The following ERBB4 variants were observed in gnomAD, a reference collection of about 807,000 sequenced individuals.
The protein encoded by ERBB4 is receptor tyrosine-protein kinase erbB-4.
ERBB4 carries 42 observed loss-of-function variants against 158.0 expected under a neutral mutation model. The observed-to-expected ratio is 0.27, with a 90% CI of 0.21 to 0.34. The LOEUF (loss-of-function observed/expected upper bound fraction) is 0.34. Ranked by LOEUF, ERBB4 falls within the 10% of genes least tolerant of loss-of-function variation. ERBB4 has a pLI of 1.00. For missense variants in ERBB4, 1,333 were observed against 1,624.1 expected, an observed-to-expected ratio of 0.82 and a Z score of 3.08; for synonymous variants, 583 against 558.7, an observed-to-expected ratio of 1.04 and a Z score of -0.61.
chr2:211,514,130 T>C (rs61469109), intron 20 of ERBB4, among the ~76,000 whole-genome samples: 7,469 of 152,164 alleles, frequency 0.049, 586 homozygotes, highest in African/African-American at 0.17. Flanking sequence ...CATACCCCCT[T>C]ACCCTCTACT....
chr2:211,403,797 C>T (rs1279717392), intron 25 of ERBB4, among the ~76,000 whole-genome samples: 1 of 152,022 alleles, frequency 6.6e-6, no homozygotes, highest in Non-Finnish European at 1.5e-5. Context: ...CTCAATTAAT[C>T]CCTTGGCACT....
intron 20 of ERBB4, among the ~76,000 whole-genome samples, chr2:211,444,091 C>T (rs770985844): frequency 2.6e-5 from 4 of 151,826 alleles, no homozygotes; most frequent in Non-Finnish European, 5.9e-5. Flanking sequence ...CCCTTACCAT[C>T]GTTAAAGTTT....
intron 6 of ERBB4, among the ~76,000 whole-genome samples, chr2:211,723,605 T>TA (rs1374723241): frequency 6.6e-6 from 1 of 152,126 alleles, no homozygotes; most frequent in African/African-American, 2.4e-5. Context: ...GAACAAGACT[T>TA]ACTGATGACA....
intron 20 of ERBB4, among the ~76,000 whole-genome samples, chr2:211,512,818 T>A (rs1284633980): frequency 6.6e-6 from 1 of 152,118 alleles, no homozygotes; most frequent in Non-Finnish European, 1.5e-5. Context: ...CTGACCCATC[T>A]CTGCATGCAG....
chr2:211,859,297 G>C (rs998567691), intron 3 of ERBB4, among the ~76,000 whole-genome samples: 1 of 151,964 alleles, frequency 6.6e-6, no homozygotes, highest in African/African-American at 2.4e-5. Flanking sequence ...TTAGATAAAG[G>C]CAGTTCACAA....
intron 16 of ERBB4, among the ~76,000 whole-genome samples, chr2:211,631,437 G>A (rs976180347): frequency 1.1e-4 from 16 of 152,102 alleles, no homozygotes; most frequent in Non-Finnish European, 2.4e-4. Context: ...GTGTGTCTCA[G>A]CATCATACAC....
intron 5 of ERBB4, among the ~76,000 whole-genome samples, chr2:211,737,285 C>T (rs55951977): frequency 0.28 from 42,400 of 151,834 alleles, 7,025 homozygotes; most frequent in Middle Eastern, 0.37. Context: ...TTTTCAAATC[C>T]AGGAAGGGGA....
At chr2:211,640,373 G>T (rs2070532675) in intron 16 of ERBB4, among the ~76,000 whole-genome samples, 3 of 152,140 alleles carry the variant, frequency 2.0e-5, no homozygotes, top group Non-Finnish European at 1.5e-5. Flanking sequence ...AAGACTTTAA[G>T]AAGTGAATAC....
chr2:212,093,194 A>G (rs2078831104), intron 2 of ERBB4, among the ~76,000 whole-genome samples: 1 of 152,200 alleles, frequency 6.6e-6, no homozygotes, highest in South Asian at 2.1e-4. Flanking sequence ...CCCAATGGAA[A>G]GTATCTCCAG....
At position 212,517,729 on chromosome 2, in the gene ERBB4, G is replaced by A. The variant is rs76549360; in HGVS notation, c.82+20720C>T. 6.6e-5 allele frequency among the ~76,000 whole-genome samples: 10 copies of A among 152,118 alleles called. No homozygotes were observed. In the East Asian group the frequency reaches 1.9e-3, roughly 29 times the overall value. ...CTCCTTGCAGTGCTATTGATTACAGGTCACTGACATAATACAGCTATTTTT... is the reference window on the plus strand; with the variant it reads ...CTCCTTGCAGTGCTATTGATTACAGATCACTGACATAATACAGCTATTTTT... On this transcript the variant is annotated intron_variant, in intron 1 of 27. Coordinates refer to ENST00000342788, the MANE Select transcript of ERBB4 (RefSeq NM_005235.3).
chr2:211,680,687 T>C (rs1292844209), intron 12 of ERBB4, among the ~76,000 whole-genome samples: 7 of 152,192 alleles, frequency 4.6e-5, no homozygotes, highest in Admixed American at 3.3e-4. Context: ...CAATTCATAT[T>C]TTCTTTGTTC....
At chr2:212,466,359 G>C (rs558098262) in intron 1 of ERBB4, among the ~76,000 whole-genome samples, 2 of 152,128 alleles carry the variant, frequency 1.3e-5, no homozygotes, top group Admixed American at 6.5e-5. Flanking sequence ...TGGTGATATG[G>C]TTTGGCTCTG....
At chr2:212,366,328 C>A (rs2089888513) in intron 1 of ERBB4, among the ~76,000 whole-genome samples, 1 of 151,900 alleles carries the variant, frequency 6.6e-6, no homozygotes, top group Non-Finnish European at 1.5e-5. Context: ...CCAAAAACTA[C>A]AGTGAATTAA....
intron 20 of ERBB4, among the ~76,000 whole-genome samples, chr2:211,438,958 T>A (rs1344284834): frequency 6.6e-6 from 1 of 151,648 alleles, no homozygotes; most frequent in African/African-American, 2.4e-5. Context: ...TTGAAATTTA[T>A]TTTTCACAGA....
At chr2:212,281,270 G>T (rs2085750119) in intron 1 of ERBB4, among the ~76,000 whole-genome samples, 1 of 151,664 alleles carries the variant, frequency 6.6e-6, no homozygotes, top group South Asian at 2.1e-4. Context: ...GATGTTTAAA[G>T]CACTATGTGA....
chr2:211,431,146 T>C, intron 20 of ERBB4, 46 bp from the exon 21 acceptor site: 1 of 1,578,192 alleles, frequency 6.3e-7, no homozygotes, highest in East Asian at 2.2e-5. Context: ...AATGCCCAGG[T>C]TTTCCCATTT....
rs375020892 is a variant in ERBB4 at position 211,689,072 on chromosome 2, C to T, written c.1490-9888G>A. On this transcript the variant is annotated intron_variant, in intron 12 of 27. Coordinates refer to ENST00000342788, the MANE Select transcript of ERBB4 (RefSeq NM_005235.3). ...GATTTGATGTTTTGCTTGGGAATGG[C>T]TTATCAACAGTTTCTCTGTTATATT... Among the ~76,000 whole-genome samples, 8 of 151,952 alleles carry T rather than the reference C, an allele frequency of 5.3e-5. No individual in the cohort carries two copies. In the East Asian group the frequency reaches 1.5e-3, roughly 29 times the overall value.
chr2:212,216,591 C>T (rs2105940514), intron 1 of ERBB4, among the ~76,000 whole-genome samples: 1 of 151,238 alleles, frequency 6.6e-6, no homozygotes, highest in Admixed American at 6.6e-5. Context: ...GAATTAATAT[C>T]TTCATCCAGA....
At chr2:212,339,433 A>G (rs1295126174) in intron 1 of ERBB4, among the ~76,000 whole-genome samples, 1 of 152,180 alleles carries the variant, frequency 6.6e-6, no homozygotes, top group Admixed American at 6.6e-5. Context: ...CTAACCTTAC[A>G]GGTATGTGTT....
Sources: gnomAD v4.1 joint callset for allele counts (sites outside exome capture counted in the v4.1 genomes callset) on GRCh38, gnomAD v4.1.1 for gene constraint, MANE v1.5 for transcripts, NCBI Gene and HGNC (gene_info 2026-07-23, HGNC 2026-07-21) for gene names.